CHLSN: variants seen among roughly 807,000 people sequenced by gnomAD.
CHLSN encodes the protein cholesin.
the CHLSN span, among the ~76,000 whole-genome samples, chr7:1,002,858 G>T: frequency 9.7e-6 from 1 of 102,604 alleles, no homozygotes; most frequent in African/African-American, 4.1e-5. Context: ...GGAGTCCTGT[G>T]GGTGAGTGGA....
chr7:1,048,581 G>A, the CHLSN span, among the ~76,000 whole-genome samples: 1 of 152,292 alleles, frequency 6.6e-6, no homozygotes, highest in African/African-American at 2.4e-5. Context: ...CCCTATCAAA[G>A]TTAGCCCCGG....
chr7:1,112,975 G>C, the CHLSN span, among the ~76,000 whole-genome samples: 1 of 152,148 alleles, frequency 6.6e-6, no homozygotes, highest in East Asian at 1.9e-4. Flanking sequence ...AATGTTCTTT[G>C]CACCGTGGAT....
the CHLSN span, chr7:987,368 A>C: frequency 1.9e-6 from 3 of 1,591,612 alleles, no homozygotes; most frequent in Non-Finnish European, 2.6e-6. Flanking sequence ...GAGGAGCTAG[A>C]CCGCGTGCTG....
At chr7:1,094,143 G>T in the CHLSN span, among the ~76,000 whole-genome samples, 2 of 152,256 alleles carry the variant, frequency 1.3e-5, no homozygotes, top group African/African-American at 4.8e-5. Flanking sequence ...CGAGGCCCAA[G>T]AGCTCTGCGG....
At chr7:1,136,017 T>C in the CHLSN span, among the ~76,000 whole-genome samples, 1 of 118,450 alleles carries the variant, frequency 8.4e-6, no homozygotes, top group South Asian at 2.4e-4. Flanking sequence ...AAAATATATA[T>C]GTATATATAA....
chr7:980,567 C>T, the CHLSN span, among the ~76,000 whole-genome samples: 2 of 152,256 alleles, frequency 1.3e-5, no homozygotes, highest in African/African-American at 4.8e-5. Flanking sequence ...TCTGTGACAG[C>T]CTAAGATTGG....
chr7:995,310 G>A, the CHLSN span, among the ~76,000 whole-genome samples: 1 of 152,228 alleles, frequency 6.6e-6, no homozygotes, highest in Non-Finnish European at 1.5e-5. Flanking sequence ...GAGGAGCTTG[G>A]CACCTTACGA....
chr7:1,059,612 A>G, the CHLSN span, among the ~76,000 whole-genome samples: 1 of 61,378 alleles, frequency 1.6e-5, no homozygotes, highest in Non-Finnish European at 3.1e-5. Context: ...GCGGGTCAGT[A>G]GGTGGTTCTT....
the CHLSN span, among the ~76,000 whole-genome samples, chr7:1,073,166 C>T: frequency 2.0e-5 from 3 of 152,122 alleles, no homozygotes; most frequent in Non-Finnish European, 2.9e-5. Flanking sequence ...GAGAGGAAGG[C>T]GCTCCTCTGG....
chr7:1,078,361 C>A, the CHLSN span, among the ~76,000 whole-genome samples: 8,971 of 151,886 alleles, frequency 0.059, 380 homozygotes, highest in African/African-American at 0.11. Flanking sequence ...GGGGGGGGCT[C>A]AGGCACATCA....
At chr7:1,028,195 G>C in the CHLSN span, 3 of 985,742 alleles carry the variant, frequency 3.0e-6, no homozygotes, top group Non-Finnish European at 3.7e-6. Flanking sequence ...GGCGGGGCTG[G>C]GGCAGGGCCC....
At chr7:1,072,404 CG>C in the CHLSN span, among the ~76,000 whole-genome samples, 20 of 152,242 alleles carry the variant, frequency 1.3e-4, no homozygotes, top group African/African-American at 4.6e-4. Flanking sequence ...TGCACACTCA[CG>C]GGACCACGAC....
At chr7:1,137,902 C>G in the CHLSN span, 7 of 152,230 alleles carry the variant, frequency 4.6e-5, no homozygotes, top group Non-Finnish European at 1.0e-4. Flanking sequence ...ACTGCAAGCC[C>G]TGACGGCCTG....
At chr7:1,016,387 A>G in the CHLSN span, among the ~76,000 whole-genome samples, 25 of 69,620 alleles carry the variant, frequency 3.6e-4, 1 homozygote, top group South Asian at 4.7e-4. Context: ...ACACAGCAGC[A>G]CACGCCAGCA....
chr7:1,078,249 G>A, the CHLSN span, among the ~76,000 whole-genome samples: 3 of 152,122 alleles, frequency 2.0e-5, no homozygotes, highest in Admixed American at 6.5e-5. Context: ...AGTTCGCGTG[G>A]CAGAGCACAG....
the CHLSN span, chr7:983,138 T>A: frequency 2.3e-6 from 3 of 1,277,698 alleles, no homozygotes; most frequent in Non-Finnish European, 3.1e-6. Context: ...GGGCACGCCC[T>A]CCCGCGGAGG....
the CHLSN span, chr7:1,058,103 C>T: frequency 2.5e-5 from 19 of 764,464 alleles, no homozygotes; most frequent in Admixed American, 8.5e-5. Context: ...TCATCGGCTA[C>T]GTGGTGCCAG....
chr7:981,751 G>T, the CHLSN span, among the ~76,000 whole-genome samples: 4 of 151,892 alleles, frequency 2.6e-5, no homozygotes, highest in Admixed American at 2.6e-4. Flanking sequence ...AATTAGGCCA[G>T]GTGCAGTGGC....
chr7:986,165 G>A, the CHLSN span, among the ~76,000 whole-genome samples: 1 of 152,200 alleles, frequency 6.6e-6, no homozygotes, highest in African/African-American at 2.4e-5. Context: ...GACGCCCCAG[G>A]AAGGCGAGTG....
Sources: gnomAD v4.1 joint callset for allele counts (sites outside exome capture counted in the v4.1 genomes callset) on GRCh38, gnomAD v4.1.1 for gene constraint, MANE v1.5 for transcripts, NCBI Gene and HGNC (gene_info 2026-07-23, HGNC 2026-07-21) for gene names.